Variants in FGD6 observed in about 807,000 individuals in gnomAD.
FGD6 encodes the protein FYVE, RhoGEF and PH domain containing 6.
A neutral mutation model predicts 149.4 loss-of-function variants in FGD6; 90 were observed. That is an observed-to-expected ratio of 0.60 (90% CI 0.51 to 0.72). The LOEUF is 0.72. Among genes scored for constraint, FGD6 ranks in the 30% least tolerant of loss-of-function variants. FGD6 has a pLI of 0.00. For synonymous variants in FGD6, 527 were observed against 584.0 expected, an observed-to-expected ratio of 0.90 and a Z score of 1.41; for missense variants, 1,437 against 1,684.8, an observed-to-expected ratio of 0.85 and a Z score of 2.57.
intron 3 of FGD6, among the ~76,000 whole-genome samples, chr12:95,153,942 TGTGTGAGTGAGAGAGA>T (rs1880384989): frequency 7.6e-6 from 1 of 131,802 alleles, no homozygotes; most frequent in Non-Finnish European, 1.7e-5. Context: ...TGTGTGTGTG[TGTGTGAGTGAGAGAGA>T]GAAGAGACAG....
intron 2 of FGD6, among the ~76,000 whole-genome samples, chr12:95,175,390 G>C (rs1434313328): frequency 6.6e-6 from 1 of 152,166 alleles, no homozygotes; most frequent in Non-Finnish European, 1.5e-5. Flanking sequence ...TTTTAATGGT[G>C]CAGGTGGCCT....
At chr12:95,185,251 C>A (rs1232842203) in intron 2 of FGD6, among the ~76,000 whole-genome samples, 2 of 152,158 alleles carry the variant, frequency 1.3e-5, no homozygotes, top group African/African-American at 4.8e-5. Flanking sequence ...TTTTTAGCTT[C>A]TTTGATTGGG....
chr12:95,117,289 C>A (rs1315696904), intron 8 of FGD6, among the ~76,000 whole-genome samples: 1 of 152,160 alleles, frequency 6.6e-6, no homozygotes, highest in Non-Finnish European at 1.5e-5. Flanking sequence ...ACAAAATGTA[C>A]TCTCTGGCCA....
intron 3 of FGD6, among the ~76,000 whole-genome samples, chr12:95,157,905 T>A (rs1880520381): frequency 6.6e-6 from 1 of 152,178 alleles, no homozygotes; most frequent in South Asian, 2.1e-4. Context: ...TGGAGTGCAG[T>A]GGTGCAATCT....
intron 3 of FGD6, among the ~76,000 whole-genome samples, chr12:95,166,663 A>G: frequency 6.6e-6 from 1 of 152,100 alleles, no homozygotes; most frequent in Non-Finnish European, 1.5e-5. Flanking sequence ...TGATCTCACT[A>G]CTGCACTCCA....
intron 8 of FGD6, among the ~76,000 whole-genome samples, chr12:95,130,037 A>G (rs1276398800): frequency 2.0e-5 from 3 of 152,164 alleles, no homozygotes; most frequent in Non-Finnish European, 4.4e-5. Context: ...AACTATATGC[A>G]TTCTTTTAGA....
At chr12:95,088,398 ATCCAAC>A (rs1231759682) in intron 18 of FGD6, among the ~76,000 whole-genome samples, 1 of 152,192 alleles carries the variant, frequency 6.6e-6, no homozygotes, top group East Asian at 1.9e-4. Context: ...AAAAAAAATA[ATCCAAC>A]TCCAACTCAA....
At chr12:95,137,438 T>C in intron 7 of FGD6, 84 bp downstream of exon 7, 2 of 1,231,092 alleles carry the variant, frequency 1.6e-6, no homozygotes, top group South Asian at 4.7e-5. Context: ...TTTGCAAGCT[T>C]TGTTTTCAAT....
chr12:95,208,184 C>T (rs890722454), intron 2 of FGD6, among the ~76,000 whole-genome samples: 7 of 151,766 alleles, frequency 4.6e-5, no homozygotes, highest in African/African-American at 1.2e-4. Context: ...CCTGGGGAGT[C>T]GAGGCTGCAG....
chr12:95,103,600 T>C (rs1452834825), intron 14 of FGD6, among the ~76,000 whole-genome samples: 1 of 152,192 alleles, frequency 6.6e-6, no homozygotes, highest in Non-Finnish European at 1.5e-5. Context: ...AGTGGAGTGA[T>C]CTCGGTTCAC....
chr12:95,158,864 A>C (rs2136276488), intron 3 of FGD6, among the ~76,000 whole-genome samples: 1 of 151,088 alleles, frequency 6.6e-6, no homozygotes, highest in East Asian at 1.9e-4. Flanking sequence ...GTTAGTAAAA[A>C]TAATAATAAT....
intron 2 of FGD6, among the ~76,000 whole-genome samples, chr12:95,176,464 C>A (rs1881134819): frequency 6.6e-6 from 1 of 152,182 alleles, no homozygotes; most frequent in African/African-American, 2.4e-5. Flanking sequence ...GCAACCAGAA[C>A]AAAGAGTGGG....
At chr12:95,108,596 A>G in intron 9 of FGD6, 35 bp from the exon 10 acceptor site, 1 of 1,611,286 alleles carries the variant, frequency 6.2e-7, no homozygotes, top group Non-Finnish European at 8.5e-7. Context: ...GCATTTAGTA[A>G]TTACAATGGA....
Position 95,209,782 on chromosome 12 carries a change from CTT to C in FGD6, c.1500_1501del (p.Arg501ThrfsTer2), listed in dbSNP as rs752409075. 1 of 1,612,124 alleles carries C rather than the reference CTT, an allele frequency of 6.2e-7. No individual in the cohort carries two copies. Among genetic ancestry groups the C allele is most frequent in the African/African-American group, 1.3e-5 (1 of 74,648 alleles). On this transcript the variant is annotated frameshift_variant, in exon 2 of 21. Coordinates refer to ENST00000343958, the MANE Select transcript of FGD6 (RefSeq NM_018351.4). LOFTEE classifies it high-confidence loss of function. ...CACTCCTGTAGCAGGCAAGCTATGT[CTT>C]TGAGGTTTTTTGGGGACAATTCGTA...
chr12:95,210,580 A>G lies in FGD6; in HGVS notation c.704T>C (p.Val235Ala). The change falls in exon 2 of 21, where the codon GTT (valine) becomes GCT (alanine). Residue 235 changes from valine (V) to alanine (A), a missense_variant. Around this residue, in one of 2 missense-constraint regions of FGD6, gnomAD observed 1,055 missense variants for 1,146.0 expected, o/e 0.92. Coordinates refer to ENST00000343958, the MANE Select transcript of FGD6 (RefSeq NM_018351.4). Reference sequence around the variant, plus strand: ...TAAGTGGCAACTGTGATGATCAGGAACTTTTTCAAAGCTGGATGGGGAAGG... The same window carrying G: ...TAAGTGGCAACTGTGATGATCAGGAGCTTTTTCAAAGCTGGATGGGGAAGG... ...LSPSPSSFEK[V>A]PDHHSCHLQL... is the part of the protein sequence containing the mutation. The G allele has an allele frequency of 6.2e-7, 1 of 1,614,204 alleles. No individual in the cohort carries two copies. The highest frequency in any genetic ancestry group is 8.5e-7 in the Non-Finnish European group (1 of 1,180,034).
chr12:95,082,887 C>T (rs1005691180), intron 20 of FGD6, among the ~76,000 whole-genome samples: 4 of 145,084 alleles, frequency 2.8e-5, no homozygotes, highest in Middle Eastern at 3.4e-3. Context: ...TGGCTCACAC[C>T]TGTAATTCCA....
intron 2 of FGD6, among the ~76,000 whole-genome samples, chr12:95,179,986 G>A (rs1449486357): frequency 6.6e-6 from 1 of 151,558 alleles, no homozygotes; most frequent in African/African-American, 2.4e-5. Context: ...GCTGAGGCAG[G>A]AGAACTGCTT....
At chr12:95,205,724 T>C (rs1382846141) in intron 2 of FGD6, among the ~76,000 whole-genome samples, 1 of 152,164 alleles carries the variant, frequency 6.6e-6, no homozygotes, top group East Asian at 1.9e-4. Flanking sequence ...ATTTCTTTTC[T>C]CCTCTATTCA....
At chr12:95,211,378 T>G (rs2056726371) in intron 1 of FGD6, 111 bp from the exon 2 acceptor site, 3 of 1,288,024 alleles carry the variant, frequency 2.3e-6, no homozygotes, top group Non-Finnish European at 2.1e-6. Flanking sequence ...TGCCTTTTAC[T>G]GAGTATGTTA....
Sources: gnomAD v4.1 joint callset for allele counts (sites outside exome capture counted in the v4.1 genomes callset) on GRCh38, gnomAD v4.1.1 for gene constraint, gnomAD v4.1.1 regional missense constraint, MANE v1.5 for transcripts, NCBI Gene and HGNC (gene_info 2026-07-23, HGNC 2026-07-21) for gene names.